TMEM132D: variants seen among roughly 807,000 people sequenced by gnomAD.
TMEM132D encodes the protein transmembrane protein 132D.
Under a neutral mutation model 62.3 loss-of-function variants are expected in TMEM132D, and 21 were observed. The ratio of observed to expected loss-of-function variants is 0.34; its 90% confidence interval spans 0.24 to 0.49. The LOEUF is 0.49. TMEM132D is among the 20% of genes least tolerant of loss of function. TMEM132D has a pLI of 0.99. For missense variants in TMEM132D, 1,346 were observed against 1,402.8 expected (o/e 0.96, Z 0.65); for synonymous variants, 621 against 575.6 (o/e 1.08, Z -1.13).
At chr12:129,224,909 G>A (rs1401897398) in intron 4 of TMEM132D, among the ~76,000 whole-genome samples, 1 of 152,080 alleles carries the variant, frequency 6.6e-6, no homozygotes, top group African/African-American at 2.4e-5. Context: ...CAACTCAAAT[G>A]CTACATCTTC....
rs922468751 is a variant in TMEM132D, at chr12:129,371,720, G to C, written c.1116-33903C>G. ...ATGTGATGATAGTGATGGTGATGATGATGGGGTGTTTAGAACTGGAAAACA... is the reference window on the plus strand; with the variant it reads ...ATGTGATGATAGTGATGGTGATGATCATGGGGTGTTTAGAACTGGAAAACA... On this transcript the variant is annotated intron_variant, in intron 3 of 8. Transcript: ENST00000422113. The surrounding 1 kb of genome is among the most constrained non-coding windows in gnomAD (Gnocchi z 4.3). 2.0e-5 allele frequency among the ~76,000 whole-genome samples: 3 copies of C among 152,074 alleles called. No individual in the cohort carries two copies. Among genetic ancestry groups the C allele is most frequent in the African/African-American group, 4.8e-5 (2 of 41,404 alleles).
At chr12:129,129,755 C>A (rs528114293) in intron 5 of TMEM132D, among the ~76,000 whole-genome samples, 1 of 152,168 alleles carries the variant, frequency 6.6e-6, no homozygotes, top group African/African-American at 2.4e-5. Context: ...TGTGGGGCAT[C>A]TTTTCATGTT....
intron 4 of TMEM132D, among the ~76,000 whole-genome samples, chr12:129,302,735 T>C (rs10773634): frequency 0.95 from 145,196 of 152,290 alleles, 69,579 homozygotes; most frequent in East Asian, 1. Context: ...ACGTGTTCAG[T>C]GTCACCTCCT....
Position 129,495,355 on chromosome 12 carries a change from T to A in TMEM132D, c.1115+35704A>T, listed in dbSNP as rs145258550. On this transcript the variant is annotated intron_variant, in intron 3 of 8. Transcript: ENST00000422113. ...CTGGCCTAGGCTGACAATGGAGACC[T>A]CCCAGTGGTGTCCACAGTGATGTCA... Among the ~76,000 whole-genome samples, 118 of 152,272 alleles carry A rather than the reference T, an allele frequency of 7.7e-4. 1 individual carries two copies. The highest frequency in any genetic ancestry group is 2.6e-3 in the African/African-American group (107 of 41,562).
intron 2 of TMEM132D, among the ~76,000 whole-genome samples, chr12:129,560,933 T>C (rs1877207449): frequency 1.3e-5 from 2 of 152,206 alleles, no homozygotes; most frequent in Admixed American, 6.5e-5. Flanking sequence ...TGAGAATTTC[T>C]AGCTTCACAG....
chr12:129,094,969 G>A (rs1875052063), intron 5 of TMEM132D, among the ~76,000 whole-genome samples: 1 of 144,670 alleles, frequency 6.9e-6, no homozygotes, highest in African/African-American at 2.5e-5. Context: ...ACTCATAGGT[G>A]GGAATTGAAC....
intron 5 of TMEM132D, among the ~76,000 whole-genome samples, chr12:129,163,234 G>A (rs367944318): frequency 3.3e-5 from 5 of 152,218 alleles, no homozygotes; most frequent in African/African-American, 7.2e-5. Context: ...TTGATGAAGC[G>A]TTTCATGAGC....
intron 4 of TMEM132D, among the ~76,000 whole-genome samples, chr12:129,266,867 T>C (rs1229367219): frequency 6.6e-6 from 1 of 152,142 alleles, no homozygotes; most frequent in African/African-American, 2.4e-5. Flanking sequence ...ACATCTCACC[T>C]GGGTAAGCAA....
intron 5 of TMEM132D, among the ~76,000 whole-genome samples, chr12:129,090,413 C>A: frequency 6.6e-6 from 1 of 152,158 alleles, no homozygotes; most frequent in East Asian, 1.9e-4. Context: ...CACCTTTAAT[C>A]CCAGCACTTG....
intron 3 of TMEM132D, among the ~76,000 whole-genome samples, chr12:129,373,196 A>C (rs1406284939): frequency 3.9e-5 from 6 of 152,180 alleles, no homozygotes; most frequent in Non-Finnish European, 1.5e-5. Context: ...TCTGTGAACA[A>C]ATCCTTCTAA....
intron 3 of TMEM132D, among the ~76,000 whole-genome samples, chr12:129,492,048 G>A (rs1874811480): frequency 6.6e-6 from 1 of 152,204 alleles, no homozygotes; most frequent in South Asian, 2.1e-4. Context: ...TATGAATTGG[G>A]TTTGTTTATT....
intron 3 of TMEM132D, among the ~76,000 whole-genome samples, chr12:129,440,293 G>A (rs1266503318): frequency 2.0e-5 from 3 of 152,202 alleles, no homozygotes; most frequent in African/African-American, 7.2e-5. Flanking sequence ...GGGTATTTGA[G>A]AGGAAAACAA....
chr12:129,378,300 A>G (rs1016634865), intron 3 of TMEM132D, among the ~76,000 whole-genome samples: 2 of 152,208 alleles, frequency 1.3e-5, no homozygotes, highest in South Asian at 2.1e-4. Flanking sequence ...GGCATCTTCC[A>G]TGTCTAACGT....
intron 1 of TMEM132D, among the ~76,000 whole-genome samples, chr12:129,756,157 T>C (rs1870162124): frequency 6.6e-6 from 1 of 152,138 alleles, no homozygotes; most frequent in African/African-American, 2.4e-5. Context: ...GTTCAACAAG[T>C]TTAACGTTTC....
chr12:129,367,694 C>A (rs563019710), intron 3 of TMEM132D, among the ~76,000 whole-genome samples: 2 of 152,138 alleles, frequency 1.3e-5, no homozygotes, highest in South Asian at 2.1e-4. Flanking sequence ...TTGGATCCAG[C>A]CAGCACTGAT....
At chr12:129,417,094 T>C (rs1872145817) in intron 3 of TMEM132D, among the ~76,000 whole-genome samples, 2 of 152,222 alleles carry the variant, frequency 1.3e-5, no homozygotes, top group South Asian at 4.1e-4. Context: ...CCTCTTTTTC[T>C]ATTGTTTGGA....
intron 1 of TMEM132D, among the ~76,000 whole-genome samples, chr12:129,885,701 T>C (rs1423197556): frequency 6.6e-6 from 1 of 152,250 alleles, no homozygotes; most frequent in Non-Finnish European, 1.5e-5. Flanking sequence ...TTCATCCAGT[T>C]TCAATAGTTG....
At chr12:129,620,001 G>T (rs1345203306) in intron 2 of TMEM132D, among the ~76,000 whole-genome samples, 1 of 152,226 alleles carries the variant, frequency 6.6e-6, no homozygotes, top group Non-Finnish European at 1.5e-5. Context: ...GCCCAGGTCA[G>T]CAGTGTGTCT....
chr12:129,774,230 T>C (rs2137285256), intron 1 of TMEM132D, among the ~76,000 whole-genome samples: 1 of 152,276 alleles, frequency 6.6e-6, no homozygotes, highest in Non-Finnish European at 1.5e-5. Flanking sequence ...ACATTGTACA[T>C]GGCCATTAGG....
Sources: gnomAD v4.1 joint callset for allele counts (sites outside exome capture counted in the v4.1 genomes callset) on GRCh38, gnomAD v4.1.1 for gene constraint, Gnocchi (gnomAD v3.1) non-coding constraint, MANE v1.5 for transcripts, NCBI Gene and HGNC (gene_info 2026-07-23, HGNC 2026-07-21) for gene names.